HMGA2: variants seen among roughly 807,000 people sequenced by gnomAD.
The protein encoded by HMGA2 is high mobility group AT-hook 2, also known as high mobility group protein HMGI-C.
In HMGA2, 8 loss-of-function variants were observed where a neutral mutation model predicts 19.1. The ratio of observed to expected loss-of-function variants is 0.42; its 90% CI spans 0.25 to 0.76. The LOEUF (loss-of-function observed/expected upper bound fraction) is 0.76. Ranked by LOEUF, HMGA2 falls within the 30% of genes least tolerant of loss-of-function variation. HMGA2 has a pLI of 0.28. For missense variants in HMGA2, 109 were observed against 136.3 expected (o/e 0.80, Z 1.00); for synonymous variants, 60 against 48.8 (o/e 1.23, Z -0.96).
intron 3 of HMGA2, among the ~76,000 whole-genome samples, chr12:65,939,252 A>C (rs1876002020): frequency 6.6e-6 from 1 of 152,176 alleles, no homozygotes; most frequent in Admixed American, 6.6e-5. Context: ...AGCTTCTCTG[A>C]TACTGGAGCA....
intron 3 of HMGA2, chr12:65,842,068 G>A: frequency 7.8e-7 from 1 of 1,277,986 alleles, no homozygotes; most frequent in East Asian, 5.6e-5. Flanking sequence ...ATTTTCATGT[G>A]TGTGCGTGTG....
In HMGA2 at chr12:65,824,713, TTCTCTC is replaced by T. The variant is rs60786450; in HGVS notation, c.-507_-502del. ...CCAAGGCACTTTCAATCTCAATCTC[TTCTCTC>T]TCTCTCTCTCTCTCTCTCTCTCTCT... On this transcript the variant is annotated 5_prime_UTR_variant, in exon 1 of 5. Coordinates refer to ENST00000403681, the MANE Select transcript of HMGA2 (RefSeq NM_003483.6). 0.093 allele frequency: 13,255 copies of T among 142,864 alleles called. 373 individuals carry two copies. The highest frequency in any genetic ancestry group is 0.13 in the Middle Eastern group (65 of 512). 8.8% of individuals were successfully genotyped at this position (142,864 alleles called of 1,614,324 possible).
intron 3 of HMGA2, among the ~76,000 whole-genome samples, chr12:65,868,769 A>G (rs956070871): frequency 1.3e-5 from 2 of 152,194 alleles, no homozygotes; most frequent in Non-Finnish European, 2.9e-5. Context: ...ACTAGAATCT[A>G]TAGGAACTGT....
At chr12:65,838,399 A>C (rs965366607) in intron 2 of HMGA2, 120 bp from the exon 3 acceptor site, 44 of 763,118 alleles carry the variant, frequency 5.8e-5, no homozygotes, top group Middle Eastern at 2.5e-4. Context: ...AAAACAAAAA[A>C]AAAAAAACCG....
At chr12:65,929,290 G>A (rs1408825952) in intron 3 of HMGA2, among the ~76,000 whole-genome samples, 1 of 151,870 alleles carries the variant, frequency 6.6e-6, no homozygotes, top group East Asian at 1.9e-4. Flanking sequence ...TTAAAGCGGA[G>A]TTTTGTTTTG....
chr12:65,838,803 A>G (rs1870853921), intron 3 of HMGA2, among the ~76,000 whole-genome samples: 1 of 152,030 alleles, frequency 6.6e-6, no homozygotes, highest in Admixed American at 6.5e-5. Context: ...TCTCTTATCA[A>G]CATCAAAAGA....
At chr12:65,904,299 A>T (rs1874496199) in intron 3 of HMGA2, among the ~76,000 whole-genome samples, 1 of 152,220 alleles carries the variant, frequency 6.6e-6, no homozygotes, top group Non-Finnish European at 1.5e-5. Context: ...CCTCTAGATT[A>T]TAGACTCATC....
At chr12:65,915,225 G>T (rs892971398) in intron 3 of HMGA2, 11 of 1,590,298 alleles carry the variant, frequency 6.9e-6, no homozygotes, top group Non-Finnish European at 7.7e-6. Flanking sequence ...GGCTTTCTCC[G>T]ATATAGAAAC....
Position 65,825,320 on chromosome 12 carries a change from G to C in HMGA2, c.50G>C (p.Gly17Ala). Residue 17 changes from glycine (G) to alanine (A), a missense_variant, in exon 1 of 5, where the codon GGA becomes GCA. Gly to Ala is a moderately conservative substitution (Grantham distance 60). Transcript: ENST00000403681. The surrounding 1 kb of genome is among the most constrained non-coding windows in gnomAD (Gnocchi z 4.4). ...GGGCAGCCGTCCACTTCAGCCCAGG[G>C]ACAACCTGCCGCCCCAGCGCCTCAG... ...GAGQPSTSAQGQPAAPAPQKR... is the reference protein window; with the variant it reads ...GAGQPSTSAQAQPAAPAPQKR... 2 of 1,538,736 alleles carry C rather than the reference G, an allele frequency of 1.3e-6. No individual in the cohort carries two copies. Among genetic ancestry groups the C allele is most frequent in the Non-Finnish European group, 1.7e-6 (2 of 1,146,184 alleles).
chr12:65,947,193 T>A (rs1876298177), intron 3 of HMGA2, among the ~76,000 whole-genome samples: 2 of 151,960 alleles, frequency 1.3e-5, no homozygotes, highest in Admixed American at 1.3e-4. Flanking sequence ...GATCATAGCT[T>A]ACTGCAGCCA....
At chr12:65,890,790 T>A (rs1873871489) in intron 3 of HMGA2, among the ~76,000 whole-genome samples, 1 of 151,688 alleles carries the variant, frequency 6.6e-6, no homozygotes, top group African/African-American at 2.4e-5. Flanking sequence ...AGGGGCGCGA[T>A]CTTGGCTCAC....
At chr12:65,833,373 C>T in intron 2 of HMGA2, among the ~76,000 whole-genome samples, 1 of 150,508 alleles carries the variant, frequency 6.6e-6, no homozygotes, top group East Asian at 1.9e-4. Flanking sequence ...AAGATACATG[C>T]AAACAAGACA....
intron 3 of HMGA2, chr12:65,915,650 T>G: frequency 1.6e-6 from 1 of 626,234 alleles, no homozygotes; most frequent in Non-Finnish European, 2.0e-6. Context: ...ATTCCCAGCT[T>G]CAGATGGGCT....
At chr12:65,842,686 G>A in intron 3 of HMGA2, 1 of 1,525,842 alleles carries the variant, frequency 6.6e-7, no homozygotes, top group East Asian at 2.5e-5. Flanking sequence ...TATTTCTGCT[G>A]TTTGCCTCAA....
intron 3 of HMGA2, among the ~76,000 whole-genome samples, chr12:65,915,877 G>C (rs757949353): frequency 2.0e-5 from 3 of 152,070 alleles, no homozygotes; most frequent in African/African-American, 7.2e-5. Context: ...TCATATTAAC[G>C]TTGCTTCCCC....
At chr12:65,945,235 TAA>T (rs111532089) in intron 3 of HMGA2, among the ~76,000 whole-genome samples, 11 of 142,102 alleles carry the variant, frequency 7.7e-5, no homozygotes, top group African/African-American at 1.3e-4. Flanking sequence ...TCTTATGCTT[TAA>T]AAAAAAAAAA....
chr12:65,959,872 G>A (rs538021739), intron 4 of HMGA2, among the ~76,000 whole-genome samples: 3 of 152,132 alleles, frequency 2.0e-5, no homozygotes, highest in East Asian at 1.9e-4. Flanking sequence ...TATAACACAC[G>A]GCCATGTCTT....
rs772912348 is a variant in HMGA2, at chr12:65,953,349, A to G, written c.282+1934A>G. 2.6e-5 allele frequency: 4 copies of G among 152,200 alleles called. No homozygotes were observed. The South Asian group carries it at 6.2e-4, about 24-fold the overall frequency. The allele number at this position is 152,200 out of a possible 1,614,324, so 9.4% of individuals were successfully genotyped here. On this transcript the variant is annotated intron_variant, in intron 4 of 4. Coordinates refer to ENST00000403681, the MANE Select transcript of HMGA2 (RefSeq NM_003483.6). The stretch of plus-strand genomic sequence containing the variant: ...ATGAATGAGTGGAATGCCTCAGGTT[A>G]TCAAGGGGATGATAAGACTGGAATT...
intron 3 of HMGA2, among the ~76,000 whole-genome samples, chr12:65,902,202 C>T (rs1874400843): frequency 6.6e-6 from 1 of 151,984 alleles, no homozygotes; most frequent in Admixed American, 6.6e-5. Flanking sequence ...GCTAAAGAGC[C>T]ATTTTCAGTT....
Sources: gnomAD v4.1 joint callset for allele counts (sites outside exome capture counted in the v4.1 genomes callset) on GRCh38, gnomAD v4.1.1 for gene constraint, Gnocchi (gnomAD v3.1) non-coding constraint, MANE v1.5 for transcripts, NCBI Gene and HGNC (gene_info 2026-07-23, HGNC 2026-07-21) for gene names.